DOT1L: variants seen among roughly 807,000 people sequenced by gnomAD.
DOT1L encodes the protein DOT1 like histone lysine methyltransferase.
In DOT1L, 33 loss-of-function variants were observed where a neutral mutation model predicts 153.3. That is an observed-to-expected ratio of 0.22 (90% CI 0.16 to 0.29). The LOEUF is 0.29. Ranked by LOEUF, DOT1L falls within the 10% of genes least tolerant of loss-of-function variation. The pLI, the probability that DOT1L is intolerant of heterozygous loss-of-function variation, is 1.00. For synonymous variants in DOT1L, 1,135 were observed against 965.1 expected (o/e 1.18, Z -3.26); for missense variants, 1,847 against 2,119.9 (o/e 0.87, Z 2.53).
In DOT1L at chr19:2,197,163, GGCTTCTGTTCT is replaced by G. The variant is rs1568345600; in HGVS notation, c.651+2590_651+2600del. Among the ~76,000 whole-genome samples the G allele has an allele frequency of 1.3e-5, 2 of 152,180 alleles. No individual in the cohort carries two copies. The highest frequency in any genetic ancestry group is 4.8e-5 in the African/African-American group (2 of 41,422). On this transcript the variant is annotated intron_variant, in intron 7 of 27. Transcript: ENST00000398665. This position sits in a 1 kb window ranked among gnomAD's most constrained non-coding sequence, Gnocchi z 4.1. ...TTTGGTCTCTGGGTGGCGCTCCCTC[GGCTTCTGTTCT>G]GCTGTCTTTGACCAGGACTTGCGCA...
intron 9 of DOT1L, among the ~76,000 whole-genome samples, chr19:2,205,794 A>G (rs1212579308): frequency 6.6e-6 from 1 of 151,838 alleles, no homozygotes; most frequent in Non-Finnish European, 1.5e-5. Flanking sequence ...CCTGGGCTCA[A>G]GTGATCCTCC....
intron 3 of DOT1L, 28 bp from the exon 4 acceptor site, chr19:2,189,704 G>T: frequency 6.2e-7 from 1 of 1,607,476 alleles, no homozygotes; most frequent in South Asian, 1.1e-5. Flanking sequence ...CTGCCCGCAT[G>T]ACCAGGGCCT....
In DOT1L at chr19:2,226,429, C is replaced by G. The variant is rs540044548; in HGVS notation, c.3908C>G (p.Ala1303Gly). The G allele has an allele frequency of 1.6e-5, 26 of 1,600,940 alleles. No homozygotes were observed. In the African/African-American group the frequency reaches 3.2e-4, roughly 20 times the overall value. The change falls in exon 27 of 28, where the codon GCT (alanine) becomes GGT (glycine). Residue 1303 changes from alanine to glycine, a missense_variant. By Grantham distance (60) the Ala-to-Gly change is moderately conservative. Transcript: ENST00000398665. ...GGCTTTCCCGGCTCCCTGTCGGGGG[C>G]TGACGGACTCAGCCCGGGCACCAAC... ...RKGFPGSLSG[A>G]DGLSPGTNPA... is the part of the protein sequence containing the mutation.
intron 1 of DOT1L, among the ~76,000 whole-genome samples, chr19:2,175,900 C>G (rs2021907241): frequency 6.6e-6 from 1 of 152,170 alleles, no homozygotes; most frequent in Non-Finnish European, 1.5e-5. Context: ...CCCACACGAG[C>G]TGGAAGCCAG....
intron 27 of DOT1L, 187 bp downstream of exon 27, chr19:2,227,314 C>T (rs1267944497): frequency 4.9e-6 from 4 of 810,042 alleles, no homozygotes; most frequent in South Asian, 4.3e-5. Flanking sequence ...CACGCTGAGT[C>T]CGTGTGTCTT....
intron 27 of DOT1L, chr19:2,228,690 G>A (rs1422809101): frequency 1.6e-4 from 158 of 985,292 alleles, no homozygotes; most frequent in Non-Finnish European, 1.9e-4. Context: ...GGGGTGCCAG[G>A]CCAGGGGGCT....
intron 1 of DOT1L, 43 bp downstream of exon 1, chr19:2,164,308 C>T (rs1349422407): frequency 2.5e-6 from 3 of 1,221,356 alleles, no homozygotes; most frequent in Middle Eastern, 2.6e-4. Flanking sequence ...GGCCTCCCCT[C>T]CTCCGCCGCC....
At chr19:2,170,722 T>G (rs1194237997) in intron 1 of DOT1L, among the ~76,000 whole-genome samples, 1 of 152,150 alleles carries the variant, frequency 6.6e-6, no homozygotes, top group Non-Finnish European at 1.5e-5. Flanking sequence ...TTGATTACAT[T>G]GCCTCAGTGG....
chr19:2,227,458 C>T (rs1482208526), intron 27 of DOT1L: 2 of 578,804 alleles, frequency 3.5e-6, no homozygotes, highest in Non-Finnish European at 6.6e-6. Flanking sequence ...GCTCTGGGAG[C>T]TGGTGTTGGG....
intron 2 of DOT1L, among the ~76,000 whole-genome samples, chr19:2,182,098 G>T (rs2022268000): frequency 6.6e-6 from 1 of 152,216 alleles, no homozygotes; most frequent in East Asian, 1.9e-4. Context: ...GAGGTAGCAG[G>T]TGCCTATAGT....
At chr19:2,219,118 C>A (rs2024019005) in intron 22 of DOT1L, among the ~76,000 whole-genome samples, 1 of 152,180 alleles carries the variant, frequency 6.6e-6, no homozygotes, top group Non-Finnish European at 1.5e-5. Flanking sequence ...GTGATCTGCC[C>A]ACCTCAGCCT....
chr19:2,178,213 T>G (rs1397555855), intron 1 of DOT1L, among the ~76,000 whole-genome samples: 2 of 149,016 alleles, frequency 1.3e-5, no homozygotes, highest in African/African-American at 2.5e-5. Flanking sequence ...ATTACAGGTG[T>G]GAACCACCAT....
intron 8 of DOT1L, among the ~76,000 whole-genome samples, chr19:2,201,384 C>T (rs1343840121): frequency 1.3e-5 from 2 of 152,110 alleles, no homozygotes; most frequent in Non-Finnish European, 2.9e-5. Flanking sequence ...CATTCCTCAT[C>T]CTCCCCATGC....
intron 6 of DOT1L, 74 bp from the exon 7 acceptor site, chr19:2,194,441 G>A: frequency 6.4e-7 from 1 of 1,568,910 alleles, no homozygotes; most frequent in Non-Finnish European, 8.8e-7. Flanking sequence ...AAAGTGCCGG[G>A]ATTACAGGCG....
chr19:2,221,866 T>TC, intron 23 of DOT1L, 110 bp from the exon 24 acceptor site: 9 of 1,162,646 alleles, frequency 7.7e-6, no homozygotes, highest in Non-Finnish European at 1.1e-5. Context: ...CTTCCCCACT[T>TC]CCCCGCCTCT....
chr19:2,174,588 A>G (rs2021816989), intron 1 of DOT1L, among the ~76,000 whole-genome samples: 2 of 152,214 alleles, frequency 1.3e-5, no homozygotes, highest in Non-Finnish European at 2.9e-5. Flanking sequence ...TGGGAGGCTG[A>G]GGCAGGAGAA....
At chr19:2,172,276 G>A (rs1425703109) in intron 1 of DOT1L, among the ~76,000 whole-genome samples, 2 of 150,640 alleles carry the variant, frequency 1.3e-5, no homozygotes, top group African/African-American at 2.4e-5. Flanking sequence ...TGCAAGCTCC[G>A]CCTTCAGGGT....
chr19:2,208,721 C>T lies in DOT1L; in HGVS notation c.964-214C>T, dbSNP rs955864178. On this transcript the variant is annotated intron_variant, in intron 11 of 27. Transcript: ENST00000398665. The surrounding 1 kb of genome is among the most constrained non-coding windows in gnomAD (Gnocchi z 4.4). Reference sequence around the variant, plus strand: ...TTAAACCAGCCCCGCCCACCCGTCGCGTGCTGGTGAATTGAGGGTGACGCC... The same window carrying T: ...TTAAACCAGCCCCGCCCACCCGTCGTGTGCTGGTGAATTGAGGGTGACGCC... 2.6e-5 allele frequency among the ~76,000 whole-genome samples: 4 copies of T among 152,190 alleles called. No individual in the cohort carries two copies. Among genetic ancestry groups the T allele is most frequent in the Non-Finnish European group, 5.9e-5 (4 of 68,032 alleles).
At chr19:2,164,830 G>A (rs996541144) in intron 1 of DOT1L, among the ~76,000 whole-genome samples, 1 of 152,106 alleles carries the variant, frequency 6.6e-6, no homozygotes, top group Non-Finnish European at 1.5e-5. Context: ...ATTTTGAGTG[G>A]GTATGGGCTG....
Sources: gnomAD v4.1 joint callset for allele counts (sites outside exome capture counted in the v4.1 genomes callset) on GRCh38, gnomAD v4.1.1 for gene constraint, Gnocchi (gnomAD v3.1) non-coding constraint, MANE v1.5 for transcripts, NCBI Gene and HGNC (gene_info 2026-07-23, HGNC 2026-07-21) for gene names.